ZFAND3: variants seen among roughly 807,000 people sequenced by gnomAD.
The protein encoded by ZFAND3 is zinc finger AN1-type containing 3.
In ZFAND3, 10 loss-of-function variants were observed where a neutral mutation model predicts 29.6. That is an observed-to-expected ratio of 0.34 (90% CI 0.21 to 0.57). ZFAND3 has a LOEUF of 0.57. Ranked by LOEUF, ZFAND3 falls within the 20% of genes least tolerant of loss-of-function variation. The pLI is 0.86. For synonymous variants in ZFAND3, 128 were observed against 112.6 expected, an observed-to-expected ratio of 1.14 and a Z score of -0.87; for missense variants, 230 against 304.5, an observed-to-expected ratio of 0.76 and a Z score of 1.82.
intron 2 of ZFAND3, among the ~76,000 whole-genome samples, chr6:38,010,643 A>G (rs1002234225): frequency 7.0e-6 from 1 of 143,366 alleles, no homozygotes; most frequent in Non-Finnish European, 1.5e-5. Flanking sequence ...TCTGTCACCC[A>G]GGCTGGAGTG....
intron 1 of ZFAND3, among the ~76,000 whole-genome samples, chr6:37,894,729 G>A (rs1161658276): frequency 6.6e-6 from 1 of 152,026 alleles, no homozygotes; most frequent in East Asian, 1.9e-4. Context: ...TTTTATGTTT[G>A]GAAATGTCTT....
intron 1 of ZFAND3, among the ~76,000 whole-genome samples, chr6:37,829,398 T>C (rs1444777205): frequency 6.6e-6 from 1 of 152,118 alleles, no homozygotes; most frequent in East Asian, 1.9e-4. Context: ...TAGCTGGGCT[T>C]AATGGCCTGC....
chr6:38,147,190 A>T (rs1766129016), intron 5 of ZFAND3, among the ~76,000 whole-genome samples: 1 of 151,690 alleles, frequency 6.6e-6, no homozygotes, highest in African/African-American at 2.4e-5. Flanking sequence ...TTCACTCTCT[A>T]CCTCCATGTG....
intron 2 of ZFAND3, among the ~76,000 whole-genome samples, chr6:38,050,655 G>C (rs935379882): frequency 6.6e-6 from 1 of 152,076 alleles, no homozygotes; most frequent in African/African-American, 2.4e-5. Context: ...CCATCCATGT[G>C]AAACTGTGAG....
chr6:37,834,690 A>C (rs980649810), intron 1 of ZFAND3, among the ~76,000 whole-genome samples: 2 of 152,012 alleles, frequency 1.3e-5, no homozygotes, highest in African/African-American at 2.4e-5. Flanking sequence ...TATATGATAC[A>C]TATGCATATA....
chr6:37,976,752 A>G (rs1223564272), intron 2 of ZFAND3, among the ~76,000 whole-genome samples: 1 of 152,132 alleles, frequency 6.6e-6, no homozygotes, highest in Non-Finnish European at 1.5e-5. Flanking sequence ...GGCAGGTGAG[A>G]AAGAGGAAGG....
chr6:38,112,674 T>C (rs1581928122), intron 4 of ZFAND3, among the ~76,000 whole-genome samples: 2 of 152,220 alleles, frequency 1.3e-5, no homozygotes, highest in Admixed American at 6.5e-5. Flanking sequence ...GGATTTTTTT[T>C]TCCTGGTAGT....
chr6:38,153,403 C>T lies in ZFAND3; in HGVS notation c.*1014C>T, dbSNP rs932437050. 78 of 985,370 alleles carry T rather than the reference C, an allele frequency of 7.9e-5. No homozygotes were observed. In the African/African-American group the frequency reaches 1.3e-3, roughly 16 times the overall value. 61.0% of individuals were successfully genotyped at this position (985,370 alleles called of 1,614,324 possible). A position where few individuals can be genotyped will look rare whatever the true frequency, so the allele number is the denominator to read the frequency against. On this transcript the variant is annotated 3_prime_UTR_variant, in exon 6 of 6. Coordinates refer to ENST00000287218, the MANE Select transcript of ZFAND3 (RefSeq NM_021943.3). ...CCTCCAGGGGCCAAGAGGATGATGT[C>T]GTGGCCTCCATTCTCGTTTCTATGC...
rs570143243 is a variant in ZFAND3, at chr6:38,036,796, A to G, written c.113-24797A>G. Among the ~76,000 whole-genome samples, 36 of 152,282 alleles carry G rather than the reference A, an allele frequency of 2.4e-4. 1 individual carries two copies. The South Asian group carries it at 7.3e-3, about 31-fold the overall frequency. ...ATCTTTTTCTTTCAAAAATTTTAAC[A>G]GAAACAGGGTCTTAACTATGTTTTC... On this transcript the variant is annotated intron_variant, in intron 2 of 5. Transcript: ENST00000287218.
At chr6:37,952,011 A>G (rs188630453) in intron 2 of ZFAND3, among the ~76,000 whole-genome samples, 243 of 152,240 alleles carry the variant, frequency 1.6e-3, no homozygotes, top group Admixed American at 4.3e-3. Context: ...ACACTTACTG[A>G]TTTTTGTATG....
chr6:38,135,758 AC>A lies in ZFAND3; in HGVS notation c.530-16476del, dbSNP rs199986429. ...AGACTCCATCTCAATTAAAAAAAAA[AC>A]AAACAAAAAAAACACGTTTCCGGTG... On this transcript the variant is annotated intron_variant, in intron 5 of 5. Transcript: ENST00000287218. Among the ~76,000 whole-genome samples the A allele has an allele frequency of 8.0e-5, 12 of 150,436 alleles. No individual in the cohort carries two copies. In the East Asian group the frequency reaches 1.4e-3, roughly 17 times the overall value.
chr6:37,997,523 T>A (rs192362870), intron 2 of ZFAND3, among the ~76,000 whole-genome samples: 64 of 152,286 alleles, frequency 4.2e-4, no homozygotes, highest in Non-Finnish European at 9.1e-4. Flanking sequence ...ACACAGGTAG[T>A]TCATATCACT....
intron 1 of ZFAND3, chr6:37,833,069 G>T (rs1467499366): frequency 1.3e-5 from 2 of 152,008 alleles, no homozygotes; most frequent in African/African-American, 2.4e-5. Flanking sequence ...TTCATGGCAG[G>T]TCACCATATT....
intron 4 of ZFAND3, among the ~76,000 whole-genome samples, chr6:38,083,388 G>A (rs1269951380): frequency 2.6e-5 from 4 of 152,066 alleles, no homozygotes; most frequent in African/African-American, 2.4e-5. Context: ...TAGGGTAGGG[G>A]GTGTGAGATA....
intron 5 of ZFAND3, among the ~76,000 whole-genome samples, chr6:38,137,973 T>C (rs1408087924): frequency 6.6e-6 from 1 of 152,042 alleles, no homozygotes; most frequent in Non-Finnish European, 1.5e-5. Flanking sequence ...GAGAAGGCAT[T>C]GAATGGTTTT....
chr6:38,106,711 G>T (rs1261043775), intron 4 of ZFAND3, among the ~76,000 whole-genome samples: 1 of 152,146 alleles, frequency 6.6e-6, no homozygotes, highest in Non-Finnish European at 1.5e-5. Context: ...ATATGTGTAT[G>T]TGTATATCTT....
rs1036214102 is a variant in ZFAND3 at position 37,998,014 on chromosome 6, A to G, written c.113-63579A>G. Among the ~76,000 whole-genome samples the G allele has an allele frequency of 1.1e-4, 17 of 152,346 alleles. No individual in the cohort carries two copies. In the East Asian group the frequency reaches 2.7e-3, roughly 24 times the overall value. ...CTTAGGTTCACAGAAAAACCTGCATATGAATGTTTATCATGGCAGCTATAT... is the reference window on the plus strand; with the variant it reads ...CTTAGGTTCACAGAAAAACCTGCATGTGAATGTTTATCATGGCAGCTATAT... On this transcript the variant is annotated intron_variant, in intron 2 of 5. Transcript: ENST00000287218.
chr6:37,881,863 A>C (rs1440431783), intron 1 of ZFAND3, among the ~76,000 whole-genome samples: 1 of 152,204 alleles, frequency 6.6e-6, no homozygotes, highest in Admixed American at 6.5e-5. Context: ...AAAAAAAAAA[A>C]CATTCCTTTG....
In ZFAND3 at chr6:38,153,390, A is replaced by G; in HGVS notation, c.*1001A>G. On this transcript the variant is annotated 3_prime_UTR_variant, in exon 6 of 6. Coordinates refer to ENST00000287218, the MANE Select transcript of ZFAND3 (RefSeq NM_021943.3). ...GGAGCCGCCCGTGCCTCCAGGGGCC[A>G]AGAGGATGATGTCGTGGCCTCCATT... 8 of 985,486 alleles carry G rather than the reference A, an allele frequency of 8.1e-6. No individual in the cohort carries two copies. Among genetic ancestry groups the G allele is most frequent in the Non-Finnish European group, 9.6e-6 (8 of 829,958 alleles). 61.0% of individuals were successfully genotyped at this position (985,486 alleles called of 1,614,324 possible). A position where few individuals can be genotyped will look rare whatever the true frequency, so the allele number is the denominator to read the frequency against.
Sources: allele counts gnomAD v4.1 joint callset (sites outside exome capture counted in the v4.1 genomes callset), GRCh38; gene constraint gnomAD v4.1.1; transcripts MANE v1.5; gene names NCBI Gene and HGNC (gene_info 2026-07-23, HGNC 2026-07-21).